PRKACA: variants seen among roughly 807,000 people sequenced by gnomAD.
The protein encoded by PRKACA is protein kinase cAMP-activated catalytic subunit alpha.
In PRKACA, 9 loss-of-function variants were observed where a neutral mutation model predicts 45.8. That is an observed-to-expected ratio of 0.20 (90% CI 0.12 to 0.34). PRKACA has a LOEUF of 0.34. Among genes scored for constraint, PRKACA ranks in the 10% least tolerant of loss-of-function variants. The pLI, the probability that PRKACA is intolerant of heterozygous loss-of-function variation, is 1.00. For synonymous variants in PRKACA, 160 were observed against 178.6 expected (o/e 0.90, Z 0.83); for missense variants, 238 against 458.6 (o/e 0.52, Z 4.39).
At chr19:14,102,457 GC>G (rs919792320) in intron 4 of PRKACA, among the ~76,000 whole-genome samples, 1 of 152,170 alleles carries the variant, frequency 6.6e-6, no homozygotes, top group Non-Finnish European at 1.5e-5. Context: ...TAAGTCTCTT[GC>G]CCGGGGCCAC....
At chr19:14,110,029 G>A (rs1966923094) in intron 1 of PRKACA, among the ~76,000 whole-genome samples, 1 of 136,792 alleles carries the variant, frequency 7.3e-6, no homozygotes, top group African/African-American at 2.7e-5. Context: ...CATAGGGAGA[G>A]CCGGGAACGG....
intron 2 of PRKACA, 125 bp downstream of exon 2, chr19:14,107,223 G>A: frequency 9.5e-7 from 1 of 1,053,474 alleles, no homozygotes; most frequent in Non-Finnish European, 1.4e-6. Flanking sequence ...CACCTAGGGA[G>A]CAAATGGGGA....
intron 5 of PRKACA, among the ~76,000 whole-genome samples, chr19:14,098,952 ATTTTGT>A (rs1302012373): frequency 1.3e-5 from 2 of 152,130 alleles, no homozygotes; most frequent in African/African-American, 4.8e-5. Context: ...AGAACTGTGC[ATTTTGT>A]TGTATGTAAA....
intron 1 of PRKACA, among the ~76,000 whole-genome samples, chr19:14,113,245 C>T (rs1967022276): frequency 6.6e-6 from 1 of 152,124 alleles, no homozygotes; most frequent in African/African-American, 2.4e-5. Context: ...CCATCTTCCT[C>T]CTTCTTTCCA....
rs1303723689 is a variant in PRKACA at position 14,091,835 on chromosome 19, T to C, written c.*1277A>G. 1 of 152,404 alleles carries C rather than the reference T, an allele frequency of 6.6e-6. No individual in the cohort carries two copies. Among genetic ancestry groups the C allele is most frequent in the African/African-American group, 2.4e-5 (1 of 41,442 alleles). The allele number at this position is 152,404 out of a possible 1,614,324, so 9.4% of individuals were successfully genotyped here. A position where few individuals can be genotyped will look rare whatever the true frequency, so the allele number is the denominator to read the frequency against. On this transcript the variant is annotated 3_prime_UTR_variant, in exon 10 of 10. Transcript: ENST00000308677. ...GCCCCACCCCAGGCCTGAGAACTCC[T>C]CCTGGGATGGGGAGAAGTTATGAGA...
rs145751355 is a variant in PRKACA, at chr19:14,097,857, G to A, written c.453C>T (p.Ile151=). Residue 151 remains isoleucine, a synonymous_variant, in exon 6 of 10, where the codon ATC becomes ATT. Transcript: ENST00000308677. The surrounding 1 kb of genome is among the most constrained non-coding windows in gnomAD (Gnocchi z 5.4). ...AGTGCAGATACTCAAAGGTCAGGAC[G>A]ATCTGGGCCGCGTAGAAACGGGCAT... The part of the protein sequence containing the change: ...EPHARFYAAQ[I]VLTFEYLHSL... 3.1e-6 allele frequency: 5 copies of A among 1,614,174 alleles called. No individual in the cohort carries two copies. The highest frequency in any genetic ancestry group is 2.2e-5 in the East Asian group (1 of 44,878).
chr19:14,105,502 ACT>A (rs1191681700), intron 3 of PRKACA, among the ~76,000 whole-genome samples: 6 of 149,398 alleles, frequency 4.0e-5, no homozygotes, highest in Non-Finnish European at 7.4e-5. Context: ...CAAGAGTGAG[ACT>A]CTGTCTCAAA....
rs1977104197 is a variant in PRKACA, at chr19:14,092,407, G to A, written c.*705C>T. ...GAGGATTCCCCGGGGAGGGGCCCAG[G>A]GGAGATTAGCAGCGGGGAGGTTCAA... On this transcript the variant is annotated 3_prime_UTR_variant, in exon 10 of 10. Coordinates refer to ENST00000308677, the MANE Select transcript of PRKACA (RefSeq NM_002730.4). 1 of 384,224 alleles carries A rather than the reference G, an allele frequency of 2.6e-6. No individual in the cohort carries two copies. Among genetic ancestry groups the A allele is most frequent in the Non-Finnish European group, 4.6e-6 (1 of 217,256 alleles). The allele number at this position is 384,224 out of a possible 1,614,324, so 23.8% of individuals were successfully genotyped here.
At position 14,097,862 on chromosome 19, in the gene PRKACA, G is replaced by C; in HGVS notation, c.448C>G (p.Gln150Glu). The part of the protein sequence containing the change: ...SEPHARFYAA[Q>E]IVLTFEYLHS... ...AGATACTCAAAGGTCAGGACGATCT[G>C]GGCCGCGTAGAAACGGGCATGGGGC... The change falls in exon 6 of 10, where the codon CAG (glutamine) becomes GAG (glutamate). Residue 150 changes from glutamine (Q) to glutamate (E), a missense_variant. Around this residue, in one of 3 missense-constraint regions of PRKACA, gnomAD observed 94 missense variants for 240.9 expected, o/e 0.39. Coordinates refer to ENST00000308677, the MANE Select transcript of PRKACA (RefSeq NM_002730.4). This position sits in a 1 kb window ranked among gnomAD's most constrained non-coding sequence, Gnocchi z 5.4. 2 of 1,614,158 alleles carry C rather than the reference G, an allele frequency of 1.2e-6. No individual in the cohort carries two copies. Among genetic ancestry groups the C allele is most frequent in the Non-Finnish European group, 1.7e-6 (2 of 1,180,028 alleles).
intron 1 of PRKACA, among the ~76,000 whole-genome samples, chr19:14,111,175 A>C (rs1158619347): frequency 1.3e-5 from 2 of 152,228 alleles, no homozygotes; most frequent in African/African-American, 4.8e-5. Flanking sequence ...AGACAGGCAG[A>C]TCACCTGAGG....
rs1210260976 is a variant in PRKACA, at chr19:14,093,180, C to T, written c.988G>A (p.Asp330Asn). 1 of 1,613,980 alleles carries T rather than the reference C, an allele frequency of 6.2e-7. No homozygotes were observed. The highest frequency in any genetic ancestry group is 1.7e-5 in the Admixed American group (1 of 60,004). Residue 330 changes from aspartate to asparagine, a missense_variant, in exon 10 of 10, where the codon GAC becomes AAC. Transcript: ENST00000308677. ...KGPGDTSNFD[D>N]YEEEEIRVSI... ...ACCCGGATTTCTTCTTCCTCATAGT[C>T]GTCAAAGTTACTCGTATCCCCAGGG... is the stretch of plus-strand genomic sequence containing the variant.
chr19:14,099,273 C>G (rs1461873423), intron 5 of PRKACA, among the ~76,000 whole-genome samples: 2 of 152,116 alleles, frequency 1.3e-5, no homozygotes, highest in African/African-American at 4.8e-5. Flanking sequence ...GCCTGGGTGA[C>G]AAGAGTGAAA....
chr19:14,092,553 ATAAGAT>A lies in PRKACA; in HGVS notation c.*553_*558del. 1 of 398,630 alleles carries A rather than the reference ATAAGAT, an allele frequency of 2.5e-6. No homozygotes were observed. The highest frequency in any genetic ancestry group is 4.4e-6 in the Non-Finnish European group (1 of 225,874). 24.7% of individuals were successfully genotyped at this position (398,630 alleles called of 1,614,324 possible). A position where few individuals can be genotyped will look rare whatever the true frequency, so the allele number is the denominator to read the frequency against. On this transcript the variant is annotated 3_prime_UTR_variant, in exon 10 of 10. Coordinates refer to ENST00000308677, the MANE Select transcript of PRKACA (RefSeq NM_002730.4). ...GGAGGGAGGCACTGGTGGAACTTAA[ATAAGAT>A]TTTAAATTGTTGTTTTTTTAAAAAA...
At chr19:14,114,174 G>C in intron 1 of PRKACA, 1 of 1,610,018 alleles carries the variant, frequency 6.2e-7, no homozygotes, top group East Asian at 2.2e-5. Context: ...CCTGTTCTCA[G>C]GGCACCGGCA....
chr19:14,110,741 G>A lies in PRKACA; in HGVS notation c.47-3332C>T, dbSNP rs367941760. On this transcript the variant is annotated intron_variant, in intron 1 of 9. Coordinates refer to ENST00000308677, the MANE Select transcript of PRKACA (RefSeq NM_002730.4). ...CCTTGCTGAGTATTTTCTATGCTTC[G>A]TTCTCACCCTGTGGGGTGGGAGCTG... 5.9e-5 allele frequency among the ~76,000 whole-genome samples: 9 copies of A among 152,256 alleles called. No homozygotes were observed. In the East Asian group the frequency reaches 1.2e-3, roughly 20 times the overall value.
chr19:14,117,589 G>A lies in PRKACA; in HGVS notation c.-42C>T. Reference sequence around the variant, plus strand: ...GGGGCCGGTCCCGGAGCTGCGGCGCGGCGGGTGCTGGCTGCGGCCGGCGGC... The same window carrying A: ...GGGGCCGGTCCCGGAGCTGCGGCGCAGCGGGTGCTGGCTGCGGCCGGCGGC... On this transcript the variant is annotated 5_prime_UTR_variant, in exon 1 of 10. Transcript: ENST00000308677. The A allele has an allele frequency of 9.9e-7, 1 of 1,005,904 alleles. No individual in the cohort carries two copies. Among genetic ancestry groups the A allele is most frequent in the Non-Finnish European group, 1.2e-6 (1 of 841,380 alleles). The allele number at this position is 1,005,904 out of a possible 1,614,324, so 62.3% of individuals were successfully genotyped here. A position where few individuals can be genotyped will look rare whatever the true frequency, so the allele number is the denominator to read the frequency against.
Position 14,096,995 on chromosome 19 carries a change from G to C in PRKACA, c.765+366C>G, listed in dbSNP as rs1439362027. The C allele has an allele frequency of 1.1e-5, 4 of 352,994 alleles. No individual in the cohort carries two copies. The Admixed American group carries it at 1.6e-4, about 14-fold the overall frequency. 21.9% of individuals were successfully genotyped at this position (352,994 alleles called of 1,614,324 possible). A position where few individuals can be genotyped will look rare whatever the true frequency, so the allele number is the denominator to read the frequency against. ...CTGGGTGAGGCTATGGACAGCACCT[G>C]GGAACAGGAACCAAATACATTCGTT... On this transcript the variant is annotated intron_variant, in intron 8 of 9. Transcript: ENST00000308677.
rs41296322 is a variant in PRKACA, at chr19:14,092,663, C to A, written c.*449G>T. 16 of 388,610 alleles carry A rather than the reference C, an allele frequency of 4.1e-5. No homozygotes were observed. The highest frequency in any genetic ancestry group is 2.9e-4 in the African/African-American group (14 of 47,998). 24.1% of individuals were successfully genotyped at this position (388,610 alleles called of 1,614,324 possible). On this transcript the variant is annotated 3_prime_UTR_variant, in exon 10 of 10. Coordinates refer to ENST00000308677, the MANE Select transcript of PRKACA (RefSeq NM_002730.4). ...AGGATTACTCCGAAAGGAAGGTTGG[C>A]GCTTCGTTCATTTGCCCTTAGCAAG...
Position 14,107,731 on chromosome 19 carries a change from C to T in PRKACA, c.47-322G>A, listed in dbSNP as rs765475159. The T allele has an allele frequency of 1.2e-4, 129 of 1,096,120 alleles. No homozygotes were observed. Among genetic ancestry groups the T allele is most frequent in the Non-Finnish European group, 1.4e-4 (124 of 899,528 alleles). The allele number at this position is 1,096,120 out of a possible 1,614,324, so 67.9% of individuals were successfully genotyped here. A position where few individuals can be genotyped will look rare whatever the true frequency, so the allele number is the denominator to read the frequency against. ...CTGACCGACATTCCATGGCCAGGGCCGACGCCAGCCGAGGTATTTATAGCC... is the reference window on the plus strand; with the variant it reads ...CTGACCGACATTCCATGGCCAGGGCTGACGCCAGCCGAGGTATTTATAGCC... On this transcript the variant is annotated intron_variant, in intron 1 of 9. Transcript: ENST00000308677.
Sources: gnomAD v4.1 joint callset for allele counts (sites outside exome capture counted in the v4.1 genomes callset) on GRCh38, gnomAD v4.1.1 for gene constraint, gnomAD v4.1.1 regional missense constraint, Gnocchi (gnomAD v3.1) non-coding constraint, MANE v1.5 for transcripts, NCBI Gene and HGNC (gene_info 2026-07-23, HGNC 2026-07-21) for gene names.